Variants in PHKA2 observed in about 807,000 individuals in gnomAD.
The protein encoded by PHKA2 is phosphorylase b kinase regulatory subunit alpha, liver isoform.
PHKA2 carries 31 observed loss-of-function variants against 102.0 expected under a neutral mutation model. That is an observed-to-expected ratio of 0.30 (90% CI 0.23 to 0.41). PHKA2 has a LOEUF of 0.41. Among genes scored for constraint, PHKA2 ranks in the 10% least tolerant of loss-of-function variants. The probability of loss-of-function intolerance (pLI) is 1.00; values close to 1 mark genes in which losing one functional copy is unlikely to be tolerated. For synonymous variants in PHKA2, 455 were observed against 416.2 expected (o/e 1.09, Z -1.13); for missense variants, 858 against 1,023.1 (o/e 0.84, Z 2.20).
At chrX:18,953,072 G>A (rs1028836073) in intron 2 of PHKA2, among the ~76,000 whole-genome samples, 7 of 111,948 alleles carry the variant, frequency 6.3e-5, no homozygotes, top group Non-Finnish European at 1.3e-4. Flanking sequence ...ATAATGCTAC[G>A]TTAATACATG....
chrX:18,920,011 C>T, intron 18 of PHKA2, 21 bp downstream of exon 18: 1 of 1,175,546 alleles, frequency 8.5e-7, no homozygotes, highest in Non-Finnish European at 1.2e-6. Context: ...GAACTACCCA[C>T]AAAAGCATTC....
At chrX:18,905,341 T>A in intron 26 of PHKA2, among the ~76,000 whole-genome samples, 1 of 111,356 alleles carries the variant, frequency 9.0e-6, no homozygotes, top group Non-Finnish European at 1.9e-5. Flanking sequence ...GCCTGACTAA[T>A]TTTTTTTGTA....
At chrX:18,903,497 T>C (rs2047738713) in intron 26 of PHKA2, among the ~76,000 whole-genome samples, 2 of 112,450 alleles carry the variant, frequency 1.8e-5, no homozygotes, top group South Asian at 7.4e-4. Context: ...CCAGGCCCTG[T>C]CTGGGCAGCA....
chrX:18,971,826 G>A (rs2049023085), intron 1 of PHKA2, among the ~76,000 whole-genome samples: 1 of 112,635 alleles, frequency 8.9e-6, no homozygotes, highest in South Asian at 3.6e-4. Flanking sequence ...CTCTCATAAA[G>A]TTTCAGTCAA....
intron 1 of PHKA2, among the ~76,000 whole-genome samples, chrX:18,958,536 T>A (rs761861788): frequency 9.0e-6 from 1 of 111,045 alleles, no homozygotes; most frequent in East Asian, 2.8e-4. Flanking sequence ...TAGTTTTAAT[T>A]TTTTGTCAGT....
intron 1 of PHKA2, among the ~76,000 whole-genome samples, chrX:18,967,325 C>G (rs2048959621): frequency 9.0e-6 from 1 of 111,369 alleles, no homozygotes; most frequent in South Asian, 3.8e-4. Flanking sequence ...TGGCCAGTCA[C>G]AGGAGGGACT....
chrX:18,915,540 C>CTTTT (rs1205116694), intron 19 of PHKA2: 2 of 90,425 alleles, frequency 2.2e-5, no homozygotes, highest in African/African-American at 4.0e-5. Context: ...CCTGGCTAAT[C>CTTTT]TTTTTTTTTT....
chrX:18,935,175 A>T (rs2065651558), intron 11 of PHKA2, among the ~76,000 whole-genome samples: 1 of 112,275 alleles, frequency 8.9e-6, no homozygotes, highest in African/African-American at 3.2e-5. Context: ...AGGAACCAAG[A>T]ATTCTTCTTC....
In PHKA2 at chrX:18,897,215, A is replaced by G. The variant is rs1466069980; in HGVS notation, c.3230T>C (p.Ile1077Thr). 8.3e-7 allele frequency: 1 copy of G among 1,211,114 alleles called. No homozygotes were observed. The highest frequency in any genetic ancestry group is 1.1e-6 in the Non-Finnish European group (1 of 895,303). Residue 1077 changes from isoleucine (I) to threonine (T), a missense_variant, in exon 30 of 33, where the codon ATC becomes ACC. Coordinates refer to ENST00000379942, the MANE Select transcript of PHKA2 (RefSeq NM_000292.3). The part of the protein sequence containing the change: ...WLRRRRLDGA[I>T]NRVPVGFYQR... ...GTAGAATCCCACGGGGACCCTGTTGATGGCCCCATCCAGCCTTCTCCTGCG... is the reference window on the plus strand; with the variant it reads ...GTAGAATCCCACGGGGACCCTGTTGGTGGCCCCATCCAGCCTTCTCCTGCG...
intron 1 of PHKA2, among the ~76,000 whole-genome samples, chrX:18,962,698 G>A (rs2048886828): frequency 8.9e-6 from 1 of 112,126 alleles, no homozygotes; most frequent in South Asian, 3.7e-4. Flanking sequence ...GATACTGACT[G>A]CAAATTTTAA....
chrX:18,964,864 T>C (rs1341763879), intron 1 of PHKA2, among the ~76,000 whole-genome samples: 2 of 112,671 alleles, frequency 1.8e-5, no homozygotes, highest in East Asian at 5.6e-4. Flanking sequence ...TAAGCTCTAA[T>C]ATGCCTCATG....
In PHKA2 at chrX:18,967,507, G is replaced by T. The variant is rs774137947; in HGVS notation, c.79-13095C>A. On this transcript the variant is annotated intron_variant, in intron 1 of 32. Coordinates refer to ENST00000379942, the MANE Select transcript of PHKA2 (RefSeq NM_000292.3). Reference sequence around the variant, plus strand: ...GTGGTCCAGTCAAGAGATGACGGTGGCTTCGATGAGGGTGGTGACAATGAA... The same window carrying T: ...GTGGTCCAGTCAAGAGATGACGGTGTCTTCGATGAGGGTGGTGACAATGAA... 1.2e-3 allele frequency among the ~76,000 whole-genome samples: 134 copies of T among 109,227 alleles called. 1 individual carries two copies. The highest frequency in any genetic ancestry group is 1.1e-3 in the Admixed American group (11 of 10,233). The allele number at this position is 109,227 out of a possible 115,157, so 94.9% of individuals were successfully genotyped here.
intron 19 of PHKA2, 48 bp from the exon 20 acceptor site, chrX:18,911,008 CA>C (rs2047914565): frequency 5.3e-6 from 4 of 758,301 alleles, no homozygotes; most frequent in Middle Eastern, 3.2e-4. Flanking sequence ...GGAAGAACAA[CA>C]CTTTTTTTTT....
intron 1 of PHKA2, among the ~76,000 whole-genome samples, chrX:18,977,701 T>A (rs866220175): frequency 1.8e-5 from 2 of 111,635 alleles, no homozygotes; most frequent in Non-Finnish European, 3.8e-5. Context: ...AAAAAAAAAA[T>A]TTTCAAAGTC....
At chrX:18,898,974 C>T (rs1022909608) in intron 29 of PHKA2, among the ~76,000 whole-genome samples, 199 bp downstream of exon 29, 5 of 112,367 alleles carry the variant, frequency 4.4e-5, no homozygotes, top group Admixed American at 1.9e-4. Context: ...GAGCTTAAGA[C>T]GGAGAACAAA....
chrX:18,961,167 T>C (rs1055127844), intron 1 of PHKA2, among the ~76,000 whole-genome samples: 2 of 112,250 alleles, frequency 1.8e-5, no homozygotes, highest in Non-Finnish European at 3.8e-5. Flanking sequence ...AGCCTATCTT[T>C]TTTGTTTACC....
intron 31 of PHKA2, 79 bp downstream of exon 31, chrX:18,895,059 C>T: frequency 3.2e-6 from 3 of 945,257 alleles, no homozygotes; most frequent in Middle Eastern, 2.6e-4. Flanking sequence ...AAAAGGAGCA[C>T]AAGAGGTCAG....
At chrX:18,898,252 T>C (rs1344743316) in intron 29 of PHKA2, 1 of 112,618 alleles carries the variant, frequency 8.9e-6, no homozygotes, top group Admixed American at 9.3e-5. Context: ...CACCTCAACA[T>C]TGGCTGGACT....
intron 9 of PHKA2, among the ~76,000 whole-genome samples, chrX:18,939,533 A>G (rs1318119442): frequency 9.0e-6 from 1 of 111,025 alleles, no homozygotes; most frequent in Non-Finnish European, 1.9e-5. Context: ...TCATTCTGTC[A>G]CCCAGGCTGG....
Sources: gnomAD v4.1 joint callset for allele counts (sites outside exome capture counted in the v4.1 genomes callset) on GRCh38, gnomAD v4.1.1 for gene constraint, MANE v1.5 for transcripts, NCBI Gene and HGNC (gene_info 2026-07-23, HGNC 2026-07-21) for gene names.